The following CXCL6 variants were observed in gnomAD, a reference collection of about 807,000 sequenced individuals.
The protein encoded by CXCL6 is C-X-C motif chemokine 6.
A neutral mutation model predicts 10.5 loss-of-function variants in CXCL6; 18 were observed. The observed-to-expected ratio is 1.71, with a 90% CI of 1.18 to 2.54. CXCL6 has a LOEUF of 2.54. Ranked by LOEUF, CXCL6 falls within the 30% of genes most tolerant of loss-of-function variation. The pLI is 0.00. For missense variants in CXCL6, 171 were observed against 145.7 expected, an observed-to-expected ratio of 1.17 and a Z score of -0.90; for synonymous variants, 82 against 68.3, an observed-to-expected ratio of 1.20 and a Z score of -0.99.
chr4:73,837,670 T>C lies in CXCL6; in HGVS notation c.*29T>C. 6.5e-7 allele frequency: 1 copy of C among 1,544,874 alleles called. No individual in the cohort carries two copies. The highest frequency in any genetic ancestry group is 8.6e-7 in the Non-Finnish European group (1 of 1,157,070). On this transcript the variant is annotated 3_prime_UTR_variant, in exon 4 of 4. Coordinates refer to ENST00000226317, the MANE Select transcript of CXCL6 (RefSeq NM_002993.4). ...ACAAAAAAGACCATGCATCATAAAATTGCCCAGTCTTCAGCGGAGCAGTTT... is the reference window on the plus strand; with the variant it reads ...ACAAAAAAGACCATGCATCATAAAACTGCCCAGTCTTCAGCGGAGCAGTTT...
At position 73,836,848 on chromosome 4, in the gene CXCL6, C is replaced by G; in HGVS notation, c.98C>G (p.Pro33Arg). ...CTGCTCCTGCTGACGCCGCCGGGGC[C>G]CCTCGCCAGCGGTGAGAGCTCCTGG... ...ALLLLLTPPGPLASAGPVSAV... is the reference protein window; with the variant it reads ...ALLLLLTPPGRLASAGPVSAV... The change falls in exon 1 of 4, where the codon CCC (proline) becomes CGC (arginine). Residue 33 changes from proline (P) to arginine (R), a missense_variant. Coordinates refer to ENST00000226317, the MANE Select transcript of CXCL6 (RefSeq NM_002993.4). 1 of 1,612,240 alleles carries G rather than the reference C, an allele frequency of 6.2e-7. No homozygotes were observed.
Position 73,837,919 on chromosome 4 carries a change from A to G in CXCL6, c.*278A>G, listed in dbSNP as rs1273134891. ...CAATTGACCATATTGTGAGCAAAGA[A>G]TCACTGGTTATTAGTCTTTCAATGA... is the stretch of plus-strand genomic sequence containing the variant. On this transcript the variant is annotated 3_prime_UTR_variant, in exon 4 of 4. Transcript: ENST00000226317. 7 of 326,282 alleles carry G rather than the reference A, an allele frequency of 2.1e-5. No individual in the cohort carries two copies. The highest frequency in any genetic ancestry group is 3.9e-5 in the Non-Finnish European group (7 of 179,372). 20.2% of individuals were successfully genotyped at this position (326,282 alleles called of 1,614,324 possible).
chr4:73,837,219 G>A lies in CXCL6; in HGVS notation c.259G>A (p.Gly87Arg), dbSNP rs1429616606. ...TTACTTCAGAGCCTCCCTGAAGAAC[G>A]GGAAGCAAGTTTGTCTGGACCCGGA... ...KVEVVASLKN[G>R]KQVCLDPEAP... is the part of the protein sequence containing the mutation. Residue 87 changes from glycine (G) to arginine (R), a missense_variant, in exon 3 of 4, where the codon GGG (glycine) becomes AGG (arginine). Coordinates refer to ENST00000226317, the MANE Select transcript of CXCL6 (RefSeq NM_002993.4). 6.2e-7 allele frequency: 1 copy of A among 1,614,066 alleles called. No individual in the cohort carries two copies. The highest frequency in any genetic ancestry group is 8.5e-7 in the Non-Finnish European group (1 of 1,180,020).
Position 73,836,739 on chromosome 4 carries a change from C to T in CXCL6, c.-12C>T. 1 of 1,604,210 alleles carries T rather than the reference C, an allele frequency of 6.2e-7. No individual in the cohort carries two copies. The highest frequency in any genetic ancestry group is 8.5e-7 in the Non-Finnish European group (1 of 1,175,888). ...CCCAGCTCAGGAACCCGCGAACCCT[C>T]TCTTGACCACTATGAGCCTCCCGTC... On this transcript the variant is annotated 5_prime_UTR_variant, in exon 1 of 4. Transcript: ENST00000226317.
chr4:73,837,263 A>C lies in CXCL6; in HGVS notation c.303A>C (p.Lys101Asn). ...CLDPEAPFLK[K>N]VIQKILDSGN... ...ACCCGGAAGCCCCTTTTCTAAAGAA[A>C]GTCATCCAGAAAATTTTGGACAGGT... is the stretch of plus-strand genomic sequence containing the variant. Residue 101 changes from lysine (K) to asparagine (N), a missense_variant, in exon 3 of 4, where the codon AAA (lysine) becomes AAC (asparagine). Coordinates refer to ENST00000226317, the MANE Select transcript of CXCL6 (RefSeq NM_002993.4). The C allele has an allele frequency of 1.2e-6, 2 of 1,614,204 alleles. No homozygotes were observed. The highest frequency in any genetic ancestry group is 2.2e-5 in the South Asian group (2 of 91,090).
At position 73,838,695 on chromosome 4, in the gene CXCL6, G is replaced by T. The variant is rs1207464923; in HGVS notation, c.*1054G>T. 2.6e-5 allele frequency: 4 copies of T among 152,464 alleles called. No homozygotes were observed. Among genetic ancestry groups the T allele is most frequent in the African/African-American group, 9.7e-5 (4 of 41,392 alleles). The allele number at this position is 152,464 out of a possible 1,614,324, so 9.4% of individuals were successfully genotyped here. On this transcript the variant is annotated 3_prime_UTR_variant, in exon 4 of 4. Transcript: ENST00000226317. ...TAAAATTGCACTTTTATTTTTTCCT[G>T]TGTGTCATGTTGGTTTTTGGTACTT...
In CXCL6 at chr4:73,837,696, T is replaced by C. The variant is rs1731135996; in HGVS notation, c.*55T>C. 1.4e-6 allele frequency: 2 copies of C among 1,474,810 alleles called. No individual in the cohort carries two copies. Among genetic ancestry groups the C allele is most frequent in the African/African-American group, 1.5e-5 (1 of 68,332 alleles). 91.4% of individuals were successfully genotyped at this position (1,474,810 alleles called of 1,614,324 possible). On this transcript the variant is annotated 3_prime_UTR_variant, in exon 4 of 4. Transcript: ENST00000226317. The stretch of plus-strand genomic sequence containing the variant: ...TGCCCAGTCTTCAGCGGAGCAGTTT[T>C]CTGGAGATCCCTGGACCCAGTAAGA...
chr4:73,837,366 G>C lies in CXCL6; in HGVS notation c.326+80G>C, dbSNP rs572163238. 56 of 1,315,456 alleles carry C rather than the reference G, an allele frequency of 4.3e-5. 1 individual carries two copies. In the South Asian group the frequency reaches 6.5e-4, roughly 15 times the overall value. The allele number at this position is 1,315,456 out of a possible 1,614,324, so 81.5% of individuals were successfully genotyped here. Reference sequence around the variant, plus strand: ...ACTTCACAATGTCCTTATTCTCTCTGTAGGATTTAGACTATGCTTAGAATT... The same window carrying C: ...ACTTCACAATGTCCTTATTCTCTCTCTAGGATTTAGACTATGCTTAGAATT... On this transcript the variant is annotated intron_variant, in intron 3 of 3. Coordinates refer to ENST00000226317, the MANE Select transcript of CXCL6 (RefSeq NM_002993.4).
Position 73,836,780 on chromosome 4 carries a change from T to G in CXCL6, c.30T>G (p.Arg10=), listed in dbSNP as rs1237979279. The G allele has an allele frequency of 2.5e-6, 4 of 1,611,466 alleles. No homozygotes were observed. In the African/African-American group the frequency reaches 5.3e-5, roughly 22 times the overall value. ...GCCTCCCGTCCAGCCGCGCGGCCCG[T>G]GTCCCGGGTCCTTCGGGCTCCTTGT... The part of the protein sequence containing the change: MSLPSSRAA[R]VPGPSGSLCA... The change falls in exon 1 of 4, where the codon CGT becomes CGG. Residue 10 remains arginine, a synonymous_variant. Coordinates refer to ENST00000226317, the MANE Select transcript of CXCL6 (RefSeq NM_002993.4).
Position 73,836,705 on chromosome 4 carries a change from G to C in CXCL6, c.-46G>C. 1 of 1,513,438 alleles carries C rather than the reference G, an allele frequency of 6.6e-7. No individual in the cohort carries two copies. The highest frequency in any genetic ancestry group is 9.0e-7 in the Non-Finnish European group (1 of 1,107,728). 93.8% of individuals were successfully genotyped at this position (1,513,438 alleles called of 1,614,324 possible). A position where few individuals can be genotyped will look rare whatever the true frequency, so the allele number is the denominator to read the frequency against. On this transcript the variant is annotated 5_prime_UTR_variant, in exon 1 of 4. Transcript: ENST00000226317. ...AAGTGCTCTGTATCCTCCAGTCTCCGCGCCTCCACCCAGCTCAGGAACCCG... is the reference window on the plus strand; with the variant it reads ...AAGTGCTCTGTATCCTCCAGTCTCCCCGCCTCCACCCAGCTCAGGAACCCG...
chr4:73,836,679 A>G lies in CXCL6; in HGVS notation c.-72A>G. On this transcript the variant is annotated 5_prime_UTR_variant, in exon 1 of 4. Transcript: ENST00000226317. ...GGAGTGCAGAAGGCACGAGGAAACC[A>G]AAGTGCTCTGTATCCTCCAGTCTCC... is the stretch of plus-strand genomic sequence containing the variant. The G allele has an allele frequency of 7.6e-7, 1 of 1,314,480 alleles. No homozygotes were observed. The highest frequency in any genetic ancestry group is 1.3e-5 in the South Asian group (1 of 79,868). The allele number at this position is 1,314,480 out of a possible 1,614,324, so 81.4% of individuals were successfully genotyped here. A position where few individuals can be genotyped will look rare whatever the true frequency, so the allele number is the denominator to read the frequency against.
chr4:73,836,779 G>A lies in CXCL6; in HGVS notation c.29G>A (p.Arg10His). 6.2e-7 allele frequency: 1 copy of A among 1,611,336 alleles called. No individual in the cohort carries two copies. Among genetic ancestry groups the A allele is most frequent in the Non-Finnish European group, 8.5e-7 (1 of 1,179,268 alleles). MSLPSSRAARVPGPSGSLCA... is the reference protein window; with the variant it reads MSLPSSRAAHVPGPSGSLCA... Reference sequence around the variant, plus strand: ...AGCCTCCCGTCCAGCCGCGCGGCCCGTGTCCCGGGTCCTTCGGGCTCCTTG... The same window carrying A: ...AGCCTCCCGTCCAGCCGCGCGGCCCATGTCCCGGGTCCTTCGGGCTCCTTG... Residue 10 changes from arginine (R) to histidine (H), a missense_variant, in exon 1 of 4, where the codon CGT becomes CAT. Arg to His is a conservative substitution (Grantham distance 29). Coordinates refer to ENST00000226317, the MANE Select transcript of CXCL6 (RefSeq NM_002993.4).
intron 3 of CXCL6, 133 bp downstream of exon 3, chr4:73,837,419 C>CT (rs1205841466): frequency 4.7e-6 from 5 of 1,067,036 alleles, no homozygotes; most frequent in East Asian, 5.0e-5. Context: ...AATAAGGAAA[C>CT]TTTTTTTCTG....
chr4:73,836,917 G>A, intron 1 of CXCL6, 47 bp from the exon 2 acceptor site: 2 of 1,605,534 alleles, frequency 1.2e-6, no homozygotes, highest in Non-Finnish European at 1.7e-6. Context: ...TGCGTTCCAG[G>A]GAACTCTCCC....
chr4:73,837,749 A>G lies in CXCL6; in HGVS notation c.*108A>G, dbSNP rs767647076. The G allele has an allele frequency of 4.1e-5, 36 of 885,294 alleles. No individual in the cohort carries two copies. Among genetic ancestry groups the G allele is most frequent in the Non-Finnish European group, 5.9e-5 (35 of 594,732 alleles). The allele number at this position is 885,294 out of a possible 1,614,324, so 54.8% of individuals were successfully genotyped here. The stretch of plus-strand genomic sequence containing the variant: ...AAGAAGGAAGGGTTGGTTTTTTTCC[A>G]TTTTCTACATGGATTCCCTACTTTG... On this transcript the variant is annotated 3_prime_UTR_variant, in exon 4 of 4. Coordinates refer to ENST00000226317, the MANE Select transcript of CXCL6 (RefSeq NM_002993.4).
chr4:73,837,674 C>T lies in CXCL6; in HGVS notation c.*33C>T, dbSNP rs1190511115. ...AAAAGACCATGCATCATAAAATTGC[C>T]CAGTCTTCAGCGGAGCAGTTTTCTG... is the stretch of plus-strand genomic sequence containing the variant. On this transcript the variant is annotated 3_prime_UTR_variant, in exon 4 of 4. Transcript: ENST00000226317. The T allele has an allele frequency of 1.3e-6, 2 of 1,543,192 alleles. No homozygotes were observed. Among genetic ancestry groups the T allele is most frequent in the East Asian group, 4.8e-5 (2 of 41,304 alleles).
Position 73,836,693 on chromosome 4 carries a change from C to A in CXCL6, c.-58C>A. 1 of 1,420,832 alleles carries A rather than the reference C, an allele frequency of 7.0e-7. No homozygotes were observed. Among genetic ancestry groups the A allele is most frequent in the Non-Finnish European group, 9.7e-7 (1 of 1,026,384 alleles). 88.0% of individuals were successfully genotyped at this position (1,420,832 alleles called of 1,614,324 possible). ...ACGAGGAAACCAAAGTGCTCTGTAT[C>A]CTCCAGTCTCCGCGCCTCCACCCAG... On this transcript the variant is annotated 5_prime_UTR_variant, in exon 1 of 4. Coordinates refer to ENST00000226317, the MANE Select transcript of CXCL6 (RefSeq NM_002993.4).
rs763099546 is a variant in CXCL6 at position 73,837,228 on chromosome 4, G to A, written c.268G>A (p.Val90Ile). 1.5e-5 allele frequency: 25 copies of A among 1,614,010 alleles called. No homozygotes were observed. Among genetic ancestry groups the A allele is most frequent in the African/African-American group, 2.7e-5 (2 of 74,862 alleles). ...AGCCTCCCTGAAGAACGGGAAGCAA[G>A]TTTGTCTGGACCCGGAAGCCCCTTT... is the stretch of plus-strand genomic sequence containing the variant. The part of the protein sequence containing the change: ...VVASLKNGKQ[V>I]CLDPEAPFLK... The change falls in exon 3 of 4, where the codon GTT becomes ATT. Residue 90 changes from valine to isoleucine, a missense_variant. Val to Ile is a conservative substitution (Grantham distance 29, BLOSUM62 3). Coordinates refer to ENST00000226317, the MANE Select transcript of CXCL6 (RefSeq NM_002993.4).
rs548056644 is a variant in CXCL6, at chr4:73,836,980, T to A, written c.126T>A (p.Ala42=). The change falls in exon 2 of 4, where the codon GCT becomes GCA. Residue 42 remains alanine (A), a synonymous_variant. Transcript: ENST00000226317. ...CTTCCCCAGCTGGTCCTGTCTCTGC[T>A]GTGCTGACAGAGCTGCGTTGCACTT... ...GPLASAGPVS[A]VLTELRCTCL... 2 of 1,610,688 alleles carry A rather than the reference T, an allele frequency of 1.2e-6. No homozygotes were observed. Among genetic ancestry groups the A allele is most frequent in the South Asian group, 2.2e-5 (2 of 90,602 alleles).
Sources: allele counts gnomAD v4.1 joint callset, GRCh38; gene constraint gnomAD v4.1.1; transcripts MANE v1.5; gene names NCBI Gene and HGNC (gene_info 2026-07-23, HGNC 2026-07-21).